LARGE1: variants seen among roughly 807,000 people sequenced by gnomAD.
The protein encoded by LARGE1 is LARGE xylosyl- and glucuronyltransferase 1, also known as xylosyl- and glucuronyltransferase LARGE1.
Under a neutral mutation model 87.6 loss-of-function variants are expected in LARGE1, and 43 were observed. That is an observed-to-expected ratio of 0.49 (90% CI 0.38 to 0.63). The LOEUF (loss-of-function observed/expected upper bound fraction) is 0.63, where lower values mean the gene tolerates loss of function less well. Ranked by LOEUF, LARGE1 falls within the 30% of genes least tolerant of loss-of-function variation. The pLI is 0.00. For synonymous variants in LARGE1, 434 were observed against 394.6 expected (o/e 1.10, Z -1.18); for missense variants, 802 against 1,000.2 (o/e 0.80, Z 2.67).
upstream of LARGE1, among the ~76,000 whole-genome samples, chr22:33,921,860 C>T (rs2065957524): frequency 6.6e-6 from 1 of 151,914 alleles, no homozygotes; most frequent in Non-Finnish European, 1.5e-5. This position sits in a 1 kb window ranked among gnomAD's most constrained non-coding sequence, Gnocchi z 4.1. Context: ...GGTCGGGGCA[C>T]AGGAGCGGGG....
intron 4 of LARGE1, among the ~76,000 whole-genome samples, chr22:33,607,366 C>T (rs2079294570): frequency 6.8e-6 from 1 of 146,632 alleles, no homozygotes; most frequent in African/African-American, 2.6e-5. Context: ...GAGGTTGAGG[C>T]AGGAGCAGCA....
chr22:33,748,804 A>G (rs950555448), intron 2 of LARGE1, among the ~76,000 whole-genome samples: 1 of 152,230 alleles, frequency 6.6e-6, no homozygotes, highest in Non-Finnish European at 1.5e-5. Context: ...TTCACAAGGA[A>G]GTGCCAGTGC....
At chr22:33,689,393 A>G (rs745316273) in intron 2 of LARGE1, among the ~76,000 whole-genome samples, 10 of 152,350 alleles carry the variant, frequency 6.6e-5, no homozygotes, top group African/African-American at 1.2e-4. Context: ...GGTTTGGCCA[A>G]TATCGTGACA....
At chr22:33,752,617 T>A (rs1318992580) in intron 2 of LARGE1, among the ~76,000 whole-genome samples, 1 of 152,170 alleles carries the variant, frequency 6.6e-6, no homozygotes, top group African/African-American at 2.4e-5. Flanking sequence ...GATACATATA[T>A]GTCAAATTCA....
chr22:33,799,591 C>A (rs2086096208), intron 1 of LARGE1, among the ~76,000 whole-genome samples: 1 of 152,052 alleles, frequency 6.6e-6, no homozygotes, highest in Admixed American at 6.6e-5. Context: ...CAGGCATGCA[C>A]CACCACGCCC....
chr22:33,577,951 C>T (rs1307385830), intron 5 of LARGE1, among the ~76,000 whole-genome samples: 1 of 152,240 alleles, frequency 6.6e-6, no homozygotes. Flanking sequence ...AAATGAATCT[C>T]TTCACTGGTC....
the LARGE1 span, among the ~76,000 whole-genome samples, chr22:33,089,363 CTT>C: frequency 2.7e-4 from 19 of 69,698 alleles, no homozygotes; most frequent in African/African-American, 1.1e-3. Flanking sequence ...TCTTCTTCTT[CTT>C]CTTCTCCTTC....
chr22:33,892,234 G>C (rs976457179), intron 1 of LARGE1, among the ~76,000 whole-genome samples: 3 of 152,176 alleles, frequency 2.0e-5, no homozygotes, highest in Admixed American at 6.5e-5. Flanking sequence ...TGCACCTGCA[G>C]GTCAGCTGGG....
chr22:33,591,901 C>T (rs1403673145), intron 5 of LARGE1, among the ~76,000 whole-genome samples: 1 of 149,812 alleles, frequency 6.7e-6, no homozygotes, highest in African/African-American at 2.5e-5. Context: ...TAGCATGTGC[C>T]TGTAGTCCCA....
chr22:33,888,832 G>A (rs2064929991), intron 1 of LARGE1, among the ~76,000 whole-genome samples: 1 of 152,152 alleles, frequency 6.6e-6, no homozygotes, highest in Non-Finnish European at 1.5e-5. Context: ...ACTCCAGCCT[G>A]GGCAACAGGG....
At chr22:33,792,289 G>A (rs758463839) in intron 1 of LARGE1, among the ~76,000 whole-genome samples, 8 of 152,148 alleles carry the variant, frequency 5.3e-5, no homozygotes, top group Non-Finnish European at 8.8e-5. Context: ...TGCTATTCTC[G>A]TGATAATGAG....
At chr22:33,203,365 A>G (rs1924510253) in intron 11 of LARGE1, among the ~76,000 whole-genome samples, 1 of 152,224 alleles carries the variant, frequency 6.6e-6, no homozygotes. Context: ...AATGCCGGGA[A>G]CCAGGCTTGT....
intron 9 of LARGE1, among the ~76,000 whole-genome samples, chr22:33,366,764 A>G (rs1350240594): frequency 6.6e-6 from 1 of 152,152 alleles, no homozygotes; most frequent in East Asian, 1.9e-4. Flanking sequence ...ACCTAGTTTC[A>G]GTCTCGAGTA....
intron 11 of LARGE1, among the ~76,000 whole-genome samples, chr22:33,204,899 T>C (rs1281884648): frequency 6.6e-6 from 1 of 152,182 alleles, no homozygotes; most frequent in Non-Finnish European, 1.5e-5. Context: ...CAAGGAGGTA[T>C]ACAGCTTCAG....
chr22:33,287,654 G>A (rs1931788079), intron 12 of LARGE1, among the ~76,000 whole-genome samples: 1 of 152,172 alleles, frequency 6.6e-6, no homozygotes, highest in Admixed American at 6.5e-5. Context: ...GCTGTCTTAG[G>A]GGTCAACAAT....
chr22:33,617,385 C>G (rs1308561721), intron 4 of LARGE1, among the ~76,000 whole-genome samples: 2 of 152,176 alleles, frequency 1.3e-5, no homozygotes, highest in African/African-American at 2.4e-5. Flanking sequence ...ACATCCTATT[C>G]TCTTTTGTTC....
At position 33,376,435 on chromosome 22, in the gene LARGE1, A is replaced by G. The variant is rs575673391; in HGVS notation, c.1131+5484T>C. ...AGATGAAACTAGATGAATTTTAAGA[A>G]ATAAGTCTCGTGCCTGATGTCTGGG... On this transcript the variant is annotated intron_variant, in intron 9 of 14. Transcript: ENST00000397394. 5.3e-5 allele frequency among the ~76,000 whole-genome samples: 8 copies of G among 152,342 alleles called. No homozygotes were observed. In the South Asian group the frequency reaches 1.5e-3, roughly 28 times the overall value.
intron 2 of LARGE1, among the ~76,000 whole-genome samples, chr22:33,675,000 T>C (rs1383705220): frequency 1.3e-5 from 2 of 150,890 alleles, no homozygotes; most frequent in Admixed American, 1.3e-4. Flanking sequence ...TGCTTAAAAA[T>C]GAACACAAGA....
chr22:33,115,447 C>G, the LARGE1 span, among the ~76,000 whole-genome samples: 1 of 143,676 alleles, frequency 7.0e-6, no homozygotes, highest in South Asian at 2.2e-4. Context: ...GAGACTACCT[C>G]TCAAAGAAAA....
Sources: gnomAD v4.1 joint callset for allele counts (sites outside exome capture counted in the v4.1 genomes callset) on GRCh38, gnomAD v4.1.1 for gene constraint, Gnocchi (gnomAD v3.1) non-coding constraint, MANE v1.5 for transcripts, NCBI Gene and HGNC (gene_info 2026-07-23, HGNC 2026-07-21) for gene names.